The following CC2D2A variants were observed in gnomAD, a reference collection of about 807,000 sequenced individuals.
CC2D2A encodes the protein coiled-coil and C2 domain-containing protein 2A.
CC2D2A carries 155 observed loss-of-function variants against 212.9 expected under a neutral mutation model. The ratio of observed to expected loss-of-function variants is 0.73; its 90% CI spans 0.64 to 0.83. The LOEUF (loss-of-function observed/expected upper bound fraction) is 0.83, where lower values mean the gene tolerates loss of function less well. Among genes scored for constraint, CC2D2A ranks in the 40% least tolerant of loss-of-function variants. CC2D2A has a pLI of 0.00. For missense variants in CC2D2A, 1,856 were observed against 1,956.2 expected, an observed-to-expected ratio of 0.95 and a Z score of 0.97; for synonymous variants, 667 against 686.5, an observed-to-expected ratio of 0.97 and a Z score of 0.44.
At chr4:15,587,376 A>C (rs1269681949) in intron 31 of CC2D2A, among the ~76,000 whole-genome samples, 1 of 152,228 alleles carries the variant, frequency 6.6e-6, no homozygotes, top group Non-Finnish European at 1.5e-5. Context: ...CCCTTGCTCT[A>C]GAGCTAGACT....
intron 11 of CC2D2A, chr4:15,519,362 T>G: frequency 2.4e-6 from 1 of 415,588 alleles, no homozygotes; most frequent in Non-Finnish European, 4.7e-6. Flanking sequence ...TATCAGCATT[T>G]TGGTCAAAGC....
Position 15,567,453 on chromosome 4 carries a change from A to G in CC2D2A, c.3259A>G (p.Thr1087Ala). 1 of 1,613,680 alleles carries G rather than the reference A, an allele frequency of 6.2e-7. No individual in the cohort carries two copies. The highest frequency in any genetic ancestry group is 8.5e-7 in the Non-Finnish European group (1 of 1,179,750). Residue 1087 changes from threonine (T) to alanine (A), a missense_variant, in exon 25 of 37, where the codon ACC becomes GCC. By Grantham distance (58) the Thr-to-Ala change is moderately conservative (BLOSUM62 0). Coordinates refer to ENST00000424120, the MANE Select transcript of CC2D2A (RefSeq NM_001378615.1). ...TGCTTCCCCAAGCACGTACAGCCCA[A>G]CCCACAATGCTGACTACCCCCTCGG... is the stretch of plus-strand genomic sequence containing the variant. ...HAASPSTYSP[T>A]HNADYPLGQV... is the part of the protein sequence containing the mutation.
At chr4:15,572,658 G>T (rs139583703) in intron 28 of CC2D2A, among the ~76,000 whole-genome samples, 3 of 151,692 alleles carry the variant, frequency 2.0e-5, no homozygotes, top group Non-Finnish European at 4.4e-5. Flanking sequence ...CTGTATTAGG[G>T]TTCTCTAAAC....
intron 33 of CC2D2A, among the ~76,000 whole-genome samples, chr4:15,592,984 T>C (rs1484821179): frequency 1.3e-5 from 2 of 152,244 alleles, no homozygotes; most frequent in Non-Finnish European, 2.9e-5. Context: ...ATCCTAATTA[T>C]AGAGGCCAAA....
intron 28 of CC2D2A, 61 bp from the exon 29 acceptor site, chr4:15,574,089 G>A: frequency 7.3e-7 from 1 of 1,373,916 alleles, no homozygotes; most frequent in Non-Finnish European, 9.8e-7. Context: ...GTTGACACTT[G>A]CCTCTCAACT....
chr4:15,495,415 G>A (rs955778711), intron 4 of CC2D2A, among the ~76,000 whole-genome samples: 2 of 152,090 alleles, frequency 1.3e-5, no homozygotes, highest in African/African-American at 4.8e-5. Flanking sequence ...AGCCTCTATT[G>A]TTTCCCTCTT....
At chr4:15,550,218 C>T (rs1051304732) in intron 17 of CC2D2A, among the ~76,000 whole-genome samples, 2 of 152,208 alleles carry the variant, frequency 1.3e-5, no homozygotes, top group African/African-American at 4.8e-5. Context: ...ATGAGACACA[C>T]TGCAGTGATC....
chr4:15,524,860 A>T (rs1717425339), intron 11 of CC2D2A, among the ~76,000 whole-genome samples: 1 of 152,246 alleles, frequency 6.6e-6, no homozygotes, highest in Non-Finnish European at 1.5e-5. Flanking sequence ...AAGACTAAAA[A>T]ATCAAATCAA....
intron 11 of CC2D2A, among the ~76,000 whole-genome samples, chr4:15,523,041 G>A (rs907080320): frequency 1.3e-5 from 2 of 151,668 alleles, no homozygotes; most frequent in Non-Finnish European, 2.9e-5. Context: ...TTGAACCTAG[G>A]AGGCGAAGGT....
intron 11 of CC2D2A, among the ~76,000 whole-genome samples, chr4:15,518,154 C>G (rs745341675): frequency 1.3e-5 from 2 of 152,202 alleles, no homozygotes; most frequent in African/African-American, 4.8e-5. Context: ...TTCCCAACAA[C>G]TCCCCCAAAG....
chr4:15,538,052 C>T lies in CC2D2A; in HGVS notation c.1918C>T (p.Gln640Ter), dbSNP rs1718230933. Residue 640 changes from glutamine to a stop codon, truncating the protein, a stop_gained, in exon 16 of 37, where the codon CAG becomes TAG. Transcript: ENST00000424120. LOFTEE classifies it high-confidence loss of function. ...GCAGGAGGTGAGGGAGAGAGCAGCC[C>T]AGAGCAGGAGGAGGCCTTGGGAGCC... ...IEQEVRERAA[Q>*]SRRRPWEPTL... 1.9e-6 allele frequency: 3 copies of T among 1,607,838 alleles called. No individual in the cohort carries two copies. The highest frequency in any genetic ancestry group is 2.2e-5 in the South Asian group (2 of 89,450).
intron 27 of CC2D2A, 121 bp from the exon 28 acceptor site, chr4:15,570,277 A>T: frequency 9.4e-6 from 5 of 531,308 alleles, no homozygotes; most frequent in Non-Finnish European, 1.7e-5. Context: ...GAATTTGATT[A>T]GGTCTATCTA....
intron 4 of CC2D2A, among the ~76,000 whole-genome samples, chr4:15,494,053 C>T (rs1715468131): frequency 6.6e-6 from 1 of 152,138 alleles, no homozygotes; most frequent in Admixed American, 6.5e-5. Context: ...TTTTTTTCCA[C>T]TCTGTAGAAG....
At chr4:15,540,176 CT>C (rs1168575454) in intron 16 of CC2D2A, among the ~76,000 whole-genome samples, 1 of 152,128 alleles carries the variant, frequency 6.6e-6, no homozygotes, top group African/African-American at 2.4e-5. Flanking sequence ...ATGCCCTAAC[CT>C]TTTCCTTTCC....
intron 4 of CC2D2A, among the ~76,000 whole-genome samples, chr4:15,500,097 G>GTATATA (rs1487111003): frequency 2.3e-4 from 12 of 53,014 alleles, no homozygotes; most frequent in Admixed American, 4.6e-4. Flanking sequence ...GTGTGTGTGT[G>GTATATA]TGTGTGTGTG....
intron 17 of CC2D2A, among the ~76,000 whole-genome samples, chr4:15,545,119 T>C (rs1385015617): frequency 1.3e-5 from 2 of 152,196 alleles, no homozygotes; most frequent in Non-Finnish European, 2.9e-5. Context: ...ATTTCAAGTC[T>C]CTAGTCATAG....
chr4:15,600,613 A>G (rs961240076), intron 36 of CC2D2A, among the ~76,000 whole-genome samples: 6 of 152,086 alleles, frequency 3.9e-5, no homozygotes, highest in African/African-American at 1.4e-4. Context: ...CAAGGGGACG[A>G]AAATTATTGT....
At chr4:15,531,183 C>A (rs1317755882) in intron 13 of CC2D2A, among the ~76,000 whole-genome samples, 3 of 152,204 alleles carry the variant, frequency 2.0e-5, no homozygotes, top group Non-Finnish European at 2.9e-5. Flanking sequence ...TATCTCACTC[C>A]TGTGCCCAAC....
chr4:15,479,306 C>T (rs772152965), intron 3 of CC2D2A: 10 of 1,537,072 alleles, frequency 6.5e-6, no homozygotes, highest in Admixed American at 5.9e-5. Flanking sequence ...GGGAGCATCC[C>T]GTGCAGGGTA....
Sources: gnomAD v4.1 joint callset for allele counts (sites outside exome capture counted in the v4.1 genomes callset) on GRCh38, gnomAD v4.1.1 for gene constraint, MANE v1.5 for transcripts, NCBI Gene and HGNC (gene_info 2026-07-23, HGNC 2026-07-21) for gene names.